The following CRB1 variants were observed in gnomAD, a reference collection of about 807,000 sequenced individuals.
CRB1 encodes crumbs cell polarity complex component 1.
In CRB1, 83 loss-of-function variants were observed where a neutral mutation model predicts 120.0. That is an observed-to-expected ratio of 0.69 (90% CI 0.58 to 0.83). CRB1 has a LOEUF of 0.83. Among genes scored for constraint, CRB1 ranks in the 40% least tolerant of loss-of-function variants. The pLI, the probability that CRB1 is intolerant of heterozygous loss-of-function variation, is 0.00. For synonymous variants in CRB1, 625 were observed against 612.5 expected (o/e 1.02, Z -0.30); for missense variants, 1,699 against 1,687.6 (o/e 1.01, Z -0.12).
chr1:197,238,592 C>T, the CRB1 span, among the ~76,000 whole-genome samples: 1,080 of 152,100 alleles, frequency 7.1e-3, 16 homozygotes, highest in African/African-American at 0.022. Context: ...ATGCCTGTTA[C>T]CCCAGCACTT....
Position 197,328,612 on chromosome 1 carries a change from C to A in CRB1, c.261C>A (p.Asn87Lys). 6.2e-7 allele frequency: 1 copy of A among 1,614,248 alleles called. No individual in the cohort carries two copies. ...GTCAAGGAAGTGCCACTTGTGTGAA[C>A]ACCCCAGGAGAAAGGAGCTTTCTGT... is the stretch of plus-strand genomic sequence containing the variant. ...NPCQGSATCV[N>K]TPGERSFLCK... The change falls in exon 2 of 12, where the codon AAC becomes AAA. Residue 87 changes from asparagine (N) to lysine (K), a missense_variant. Physicochemically the swap from Asn to Lys is moderately conservative, Grantham distance 94. Transcript: ENST00000367400.
At chr1:197,352,553 G>C (rs550995597) in intron 4 of CRB1, among the ~76,000 whole-genome samples, 1 of 152,062 alleles carries the variant, frequency 6.6e-6, no homozygotes, top group African/African-American at 2.4e-5. Flanking sequence ...TAATGTATTT[G>C]AAGAACCTTA....
intron 5 of CRB1, among the ~76,000 whole-genome samples, chr1:197,409,297 C>T (rs986998454): frequency 1.3e-5 from 2 of 152,122 alleles, no homozygotes; most frequent in African/African-American, 4.8e-5. Flanking sequence ...TTAAGGTTGA[C>T]AGTGACCCAC....
At chr1:197,466,673 A>T (rs1666762759) in intron 11 of CRB1, among the ~76,000 whole-genome samples, 1 of 152,214 alleles carries the variant, frequency 6.6e-6, no homozygotes, top group Non-Finnish European at 1.5e-5. Context: ...GGGGCAATAA[A>T]TATGATGACA....
At chr1:197,254,542 A>G in the CRB1 span, among the ~76,000 whole-genome samples, 3 of 151,894 alleles carry the variant, frequency 2.0e-5, no homozygotes, top group Admixed American at 6.6e-5. Context: ...TGCTATTTCT[A>G]CTTCTCTGTA....
chr1:197,477,549 A>G (rs1045291440), intron 11 of CRB1, 115 bp from the exon 12 acceptor site: 2 of 864,746 alleles, frequency 2.3e-6, no homozygotes, highest in African/African-American at 1.6e-5. Flanking sequence ...TTTTTACAGT[A>G]CTGAGTGGTA....
intron 5 of CRB1, among the ~76,000 whole-genome samples, chr1:197,389,883 G>T (rs1357410987): frequency 1.3e-5 from 2 of 152,012 alleles, no homozygotes; most frequent in Admixed American, 1.3e-4. Flanking sequence ...CTGGCATCCA[G>T]GAGCCACTCC....
In CRB1 at chr1:197,328,408, T is replaced by C. The variant is rs374653244; in HGVS notation, c.71-14T>C. 97 of 1,594,710 alleles carry C rather than the reference T, an allele frequency of 6.1e-5. No individual in the cohort carries two copies. The African/African-American group carries it at 9.7e-4, about 16-fold the overall frequency. ...TTTATAAATTTAATCTTGTTACTTT[T>C]TATTTCCTTGTAGATTCCTTTTGCA... On this transcript the variant is annotated splice_polypyrimidine_tract_variant and intron_variant, in intron 1 of 11. Transcript: ENST00000367400.
At chr1:197,211,500 C>T in the CRB1 span, among the ~76,000 whole-genome samples, 1 of 152,126 alleles carries the variant, frequency 6.6e-6, no homozygotes, top group Non-Finnish European at 1.5e-5. Context: ...CCTCACATGG[C>T]AGAAGAGGTG....
At chr1:197,347,188 C>A in intron 3 of CRB1, 152 bp from the exon 4 acceptor site, 1 of 700,102 alleles carries the variant, frequency 1.4e-6, no homozygotes, top group Non-Finnish European at 2.5e-6. Flanking sequence ...ATAAATCATG[C>A]ATTCAGTCCT....
At chr1:197,435,643 T>G in intron 9 of CRB1, 31 bp downstream of exon 9, 1 of 1,570,372 alleles carries the variant, frequency 6.4e-7, no homozygotes. Flanking sequence ...AAGCTTGGTC[T>G]TTGAAGCTAT....
At chr1:197,231,317 A>AT in the CRB1 span, among the ~76,000 whole-genome samples, 2 of 152,102 alleles carry the variant, frequency 1.3e-5, no homozygotes, top group African/African-American at 4.8e-5. Flanking sequence ...TATTTTTGAT[A>AT]TTTTTCATAA....
chr1:197,262,243 T>C, the CRB1 span, among the ~76,000 whole-genome samples: 1 of 152,184 alleles, frequency 6.6e-6, no homozygotes, highest in African/African-American at 2.4e-5. Context: ...GCTGTCCTAC[T>C]TTCTGAAATT....
At chr1:197,356,760 C>T (rs1660497628) in intron 4 of CRB1, 71 bp from the exon 5 acceptor site, 3 of 1,508,976 alleles carry the variant, frequency 2.0e-6, no homozygotes, top group East Asian at 2.3e-5. Flanking sequence ...AGCAGTCAAC[C>T]TCCTTTTAGG....
chr1:197,362,617 G>C (rs1274948290), intron 5 of CRB1, among the ~76,000 whole-genome samples: 3 of 151,852 alleles, frequency 2.0e-5, no homozygotes, highest in African/African-American at 7.3e-5. Flanking sequence ...TTATCATTAG[G>C]CAATGATTTT....
chr1:197,400,683 G>A (rs573603171), intron 5 of CRB1, among the ~76,000 whole-genome samples: 20 of 152,036 alleles, frequency 1.3e-4, no homozygotes, highest in African/African-American at 3.4e-4. Flanking sequence ...TTTCTCACTC[G>A]GATACTATCC....
the CRB1 span, among the ~76,000 whole-genome samples, chr1:197,254,017 A>G: frequency 1.7e-3 from 254 of 152,236 alleles, no homozygotes; most frequent in Non-Finnish European, 2.4e-3. Flanking sequence ...TGCTTCAGGC[A>G]GCTATTGATC....
Position 197,434,993 on chromosome 1 carries a change from C to A in CRB1, c.3130C>A (p.Pro1044Thr), listed in dbSNP as rs746380243. 3.1e-6 allele frequency: 5 copies of A among 1,613,830 alleles called. No individual in the cohort carries two copies. The African/African-American group carries it at 6.7e-5, about 22-fold the overall frequency. Reference protein sequence around the residue: ...WHEVTLSMTDPLSQTSRWQME... With the variant: ...WHEVTLSMTDTLSQTSRWQME... ...CGAAGTGACCCTTTCCATGACAGACCCACTGTCCCAGACCTCCAGGTGGCA... is the reference window on the plus strand; with the variant it reads ...CGAAGTGACCCTTTCCATGACAGACACACTGTCCCAGACCTCCAGGTGGCA... The change falls in exon 9 of 12, where the codon CCA (proline) becomes ACA (threonine). Residue 1044 changes from proline to threonine, a missense_variant. Pro to Thr is a conservative substitution (Grantham distance 38, BLOSUM62 -1). Coordinates refer to ENST00000367400, the MANE Select transcript of CRB1 (RefSeq NM_201253.3).
chr1:197,431,312 G>A lies in CRB1; in HGVS notation c.2842+1698G>A, dbSNP rs146814856. Among the ~76,000 whole-genome samples, 11 of 152,080 alleles carry A rather than the reference G, an allele frequency of 7.2e-5. No homozygotes were observed. In the East Asian group the frequency reaches 9.7e-4, roughly 13 times the overall value. On this transcript the variant is annotated intron_variant, in intron 8 of 11. Coordinates refer to ENST00000367400, the MANE Select transcript of CRB1 (RefSeq NM_201253.3). ...ACTTGGGGAAGTTCTCTAGAAAAAC[G>A]TATATACTTTTATGTTTCATACTTA...
Sources: allele counts gnomAD v4.1 joint callset (sites outside exome capture counted in the v4.1 genomes callset), GRCh38; gene constraint gnomAD v4.1.1; transcripts MANE v1.5; gene names NCBI Gene and HGNC (gene_info 2026-07-23, HGNC 2026-07-21).